Variants in DSCAM observed in about 807,000 individuals in gnomAD.
DSCAM encodes DS cell adhesion molecule.
A neutral mutation model predicts 217.7 loss-of-function variants in DSCAM; 47 were observed. The ratio of observed to expected loss-of-function variants is 0.22; its 90% CI spans 0.17 to 0.28. The LOEUF (loss-of-function observed/expected upper bound fraction) is 0.28. Ranked by LOEUF, DSCAM falls within the 10% of genes least tolerant of loss-of-function variation. DSCAM has a pLI of 1.00. For synonymous variants in DSCAM, 1,056 were observed against 1,015.3 expected (o/e 1.04, Z -0.76); for missense variants, 2,080 against 2,618.3 (o/e 0.79, Z 4.49).
intron 3 of DSCAM, among the ~76,000 whole-genome samples, chr21:40,472,815 A>G (rs2075900163): frequency 6.6e-6 from 1 of 152,248 alleles, no homozygotes; most frequent in Admixed American, 6.5e-5. Flanking sequence ...CTAGAATAAC[A>G]ATTCTCCCAA....
intron 11 of DSCAM, among the ~76,000 whole-genome samples, chr21:40,234,898 G>A (rs923161531): frequency 3.3e-5 from 5 of 152,078 alleles, no homozygotes; most frequent in African/African-American, 1.2e-4. Context: ...TCTCCGTCTA[G>A]CTCCAGATCT....
At chr21:40,262,407 C>T (rs982740823) in intron 11 of DSCAM, among the ~76,000 whole-genome samples, 1 of 152,128 alleles carries the variant, frequency 6.6e-6, no homozygotes, top group African/African-American at 2.4e-5. Flanking sequence ...GCCTCTTCAC[C>T]TTGAACTTGC....
At chr21:40,186,094 T>A (rs2090891631) in intron 14 of DSCAM, among the ~76,000 whole-genome samples, 1 of 152,166 alleles carries the variant, frequency 6.6e-6, no homozygotes, top group Non-Finnish European at 1.5e-5. Flanking sequence ...TTGATCCATA[T>A]CTTCTCAATC....
intron 11 of DSCAM, among the ~76,000 whole-genome samples, chr21:40,193,358 G>A (rs990551673): frequency 3.4e-4 from 51 of 149,320 alleles, no homozygotes; most frequent in African/African-American, 1.3e-3. Flanking sequence ...TCTCATACGG[G>A]AAAGAGGCTA....
chr21:40,265,548 G>C (rs1370684445), intron 11 of DSCAM, among the ~76,000 whole-genome samples: 1 of 151,284 alleles, frequency 6.6e-6, no homozygotes, highest in Non-Finnish European at 1.5e-5. Context: ...GAAATCCGAA[G>C]CAAAAAGATT....
At chr21:40,333,233 C>T (rs1268468385) in intron 8 of DSCAM, among the ~76,000 whole-genome samples, 1 of 152,218 alleles carries the variant, frequency 6.6e-6, no homozygotes, top group Non-Finnish European at 1.5e-5. Context: ...AATTTCTTAT[C>T]TCCCTCCCCT....
intron 3 of DSCAM, among the ~76,000 whole-genome samples, chr21:40,520,951 C>T (rs190452973): frequency 5.1e-4 from 78 of 152,124 alleles, no homozygotes; most frequent in South Asian, 1.0e-3. Context: ...TCACATGTAC[C>T]CTGTAAGTAT....
intron 3 of DSCAM, among the ~76,000 whole-genome samples, chr21:40,453,438 G>A (rs187458125): frequency 5.6e-4 from 85 of 152,250 alleles, no homozygotes; most frequent in South Asian, 6.2e-4. Flanking sequence ...ATGACTTTAT[G>A]TCCTCAATGC....
intron 3 of DSCAM, among the ~76,000 whole-genome samples, chr21:40,560,010 G>A (rs1225789225): frequency 6.6e-6 from 1 of 152,022 alleles, no homozygotes; most frequent in Non-Finnish European, 1.5e-5. Context: ...AGCCAGGATG[G>A]TCTCGATCTC....
At chr21:40,080,999 C>A (rs2089447565) in intron 24 of DSCAM, among the ~76,000 whole-genome samples, 1 of 152,210 alleles carries the variant, frequency 6.6e-6, no homozygotes, top group Admixed American at 6.5e-5. Flanking sequence ...CTGTCCTAAG[C>A]CCTTTGCTTA....
At chr21:40,186,304 T>G (rs1240180775) in intron 14 of DSCAM, among the ~76,000 whole-genome samples, 1 of 152,160 alleles carries the variant, frequency 6.6e-6, no homozygotes. Flanking sequence ...CTGGGTAATC[T>G]GAAATAACGT....
chr21:40,585,183 T>C (rs74277194), intron 3 of DSCAM, among the ~76,000 whole-genome samples: 9 of 65,650 alleles, frequency 1.4e-4, no homozygotes, highest in South Asian at 4.8e-4. Context: ...CAACTTCTTT[T>C]TTTTTTTTTT....
At chr21:40,623,498 T>C (rs2089551564) in intron 3 of DSCAM, among the ~76,000 whole-genome samples, 1 of 152,240 alleles carries the variant, frequency 6.6e-6, no homozygotes, top group African/African-American at 2.4e-5. Context: ...AGCTACATGC[T>C]ACTGATCTAA....
chr21:40,612,886 T>C (rs545085555), intron 3 of DSCAM, among the ~76,000 whole-genome samples: 1 of 152,244 alleles, frequency 6.6e-6, no homozygotes, highest in Non-Finnish European at 1.5e-5. Context: ...ATTGTTGTTT[T>C]CTCCATTTCT....
intron 3 of DSCAM, among the ~76,000 whole-genome samples, chr21:40,468,877 G>C (rs1601667151): frequency 6.6e-6 from 1 of 152,232 alleles, no homozygotes; most frequent in East Asian, 1.9e-4. Flanking sequence ...AGGTCTGTTT[G>C]AACAGTAGAA....
intron 31 of DSCAM, 31 bp from the exon 32 acceptor site, chr21:40,042,704 C>T (rs138378282): frequency 4.6e-5 from 72 of 1,562,656 alleles, no homozygotes; most frequent in East Asian, 9.0e-5. Flanking sequence ...ACAAGACGGA[C>T]GACTCACCAT....
At chr21:40,670,972 A>G (rs1486104194) in intron 3 of DSCAM, among the ~76,000 whole-genome samples, 1 of 152,214 alleles carries the variant, frequency 6.6e-6, no homozygotes. Flanking sequence ...ATTAAAAAAT[A>G]TTGTAATCAG....
intron 1 of DSCAM, among the ~76,000 whole-genome samples, chr21:40,837,041 T>A (rs909337626): frequency 2.6e-5 from 4 of 152,222 alleles, no homozygotes; most frequent in African/African-American, 9.6e-5. Flanking sequence ...ACCAGTGTCC[T>A]CGATCCTTAC....
chr21:40,362,296 A>G (rs933951512), intron 4 of DSCAM, among the ~76,000 whole-genome samples: 1 of 152,230 alleles, frequency 6.6e-6, no homozygotes, highest in Non-Finnish European at 1.5e-5. Context: ...TAATAATAAA[A>G]AAAAAGAAAC....
Sources: allele counts gnomAD v4.1 joint callset (sites outside exome capture counted in the v4.1 genomes callset), GRCh38; gene constraint gnomAD v4.1.1; transcripts MANE v1.5; gene names NCBI Gene and HGNC (gene_info 2026-07-23, HGNC 2026-07-21).